Variants in ZFAT observed in about 807,000 individuals in gnomAD.
ZFAT encodes zinc finger and AT-hook domain containing, also known as zinc finger protein ZFAT.
ZFAT carries 64 observed loss-of-function variants against 117.7 expected under a neutral mutation model. The observed-to-expected ratio is 0.54, with a 90% CI of 0.44 to 0.67. ZFAT has a LOEUF of 0.67. ZFAT is among the 30% of genes least tolerant of loss of function. ZFAT has a pLI of 0.00. For missense variants in ZFAT, 1,433 were observed against 1,584.5 expected (o/e 0.90, Z 1.62); for synonymous variants, 679 against 615.0 (o/e 1.10, Z -1.54).
chr8:134,705,590 T>C (rs1403544012), intron 1 of ZFAT, among the ~76,000 whole-genome samples: 1 of 151,336 alleles, frequency 6.6e-6, no homozygotes, highest in East Asian at 2.0e-4. Context: ...AGTTCAGTGG[T>C]GCAATTTCAG....
intron 5 of ZFAT, 125 bp from the exon 6 acceptor site, chr8:134,603,058 G>C: frequency 7.6e-7 from 1 of 1,310,388 alleles, no homozygotes; most frequent in South Asian, 1.4e-5. Flanking sequence ...ACGCTGGATG[G>C]GTGCAGTCAC....
At chr8:134,646,040 T>TA (rs35985182) in intron 2 of ZFAT, among the ~76,000 whole-genome samples, 17,460 of 147,460 alleles carry the variant, frequency 0.12, 1,118 homozygotes, top group Non-Finnish European at 0.16. Flanking sequence ...CGTCTCTACT[T>TA]AAAAAAAAAA....
At chr8:134,613,628 G>C (rs1293778386) in intron 3 of ZFAT, among the ~76,000 whole-genome samples, 4 of 152,126 alleles carry the variant, frequency 2.6e-5, no homozygotes, top group Non-Finnish European at 5.9e-5. Flanking sequence ...GTCCCTCCTG[G>C]AGTGTGATGC....
chr8:134,604,434 G>A lies in ZFAT; in HGVS notation c.786-1501C>T, dbSNP rs115103087. ...GTGGGGTTTCCATTGCTGTTGGAAT[G>A]GCCAAGCCTTGTTTCTGAAACCAGC... On this transcript the variant is annotated intron_variant, in intron 5 of 15. Transcript: ENST00000377838. 6.0e-3 allele frequency among the ~76,000 whole-genome samples: 919 copies of A among 152,302 alleles called. 5 individuals carry two copies. The highest frequency in any genetic ancestry group is 0.02 in the African/African-American group (848 of 41,546).
intron 1 of ZFAT, among the ~76,000 whole-genome samples, chr8:134,698,621 G>A (rs1833936670): frequency 6.6e-6 from 1 of 152,198 alleles, no homozygotes; most frequent in Non-Finnish European, 1.5e-5. Context: ...AGAAGCGTCA[G>A]ACGGTCAGGT....
intron 1 of ZFAT, among the ~76,000 whole-genome samples, chr8:134,697,099 T>G (rs1030086988): frequency 2.6e-5 from 4 of 151,144 alleles, no homozygotes; most frequent in African/African-American, 9.8e-5. Flanking sequence ...TTTGGTTTGT[T>G]TTTGGTTTGG....
chr8:134,762,679 T>C, the ZFAT span, among the ~76,000 whole-genome samples: 1 of 152,366 alleles, frequency 6.6e-6, no homozygotes, highest in African/African-American at 2.4e-5. Flanking sequence ...TGTTCAAATT[T>C]ATATCTTCAG....
intron 11 of ZFAT, among the ~76,000 whole-genome samples, chr8:134,546,865 T>C (rs1472966065): frequency 2.6e-5 from 4 of 152,212 alleles, no homozygotes; most frequent in Admixed American, 6.5e-5. Flanking sequence ...ATTATTATCA[T>C]TGACAGTTTA....
intron 3 of ZFAT, among the ~76,000 whole-genome samples, chr8:134,633,488 T>C (rs1481682136): frequency 6.6e-6 from 1 of 152,200 alleles, no homozygotes; most frequent in African/African-American, 2.4e-5. Flanking sequence ...TTTAAAACAA[T>C]TCTAAATGCC....
At chr8:134,652,927 C>T (rs1245463590) in intron 2 of ZFAT, among the ~76,000 whole-genome samples, 1 of 151,966 alleles carries the variant, frequency 6.6e-6, no homozygotes, top group African/African-American at 2.4e-5. Context: ...ATATAGCCAA[C>T]GTGAATGCAC....
At chr8:134,529,971 G>C (rs930098298) in intron 12 of ZFAT, among the ~76,000 whole-genome samples, 1 of 152,140 alleles carries the variant, frequency 6.6e-6, no homozygotes, top group Non-Finnish European at 1.5e-5. Context: ...GGAACCCTCA[G>C]CTCCTTTTAG....
intron 10 of ZFAT, among the ~76,000 whole-genome samples, chr8:134,582,199 C>T (rs772214267): frequency 6.6e-5 from 10 of 152,164 alleles, no homozygotes; most frequent in Admixed American, 2.0e-4. Context: ...CTACTCACAC[C>T]GACCCCATCC....
intron 15 of ZFAT, among the ~76,000 whole-genome samples, chr8:134,490,210 T>C (rs977587447): frequency 3.9e-5 from 6 of 151,932 alleles, no homozygotes; most frequent in African/African-American, 1.2e-4. Flanking sequence ...AATCTGAGAG[T>C]AGAACATGTT....
At chr8:134,586,789 G>C (rs921865434) in intron 9 of ZFAT, among the ~76,000 whole-genome samples, 1 of 152,226 alleles carries the variant, frequency 6.6e-6, no homozygotes, top group Non-Finnish European at 1.5e-5. Flanking sequence ...AAACAAGTCA[G>C]TTCAGAAGAG....
intron 14 of ZFAT, 111 bp from the exon 15 acceptor site, chr8:134,509,860 A>C: frequency 7.3e-7 from 1 of 1,365,254 alleles, no homozygotes; most frequent in Non-Finnish European, 9.9e-7. Context: ...CAGAGGATGC[A>C]TGGGCTCTCC....
chr8:134,485,839 G>A (rs1036455533), intron 15 of ZFAT, among the ~76,000 whole-genome samples: 1 of 152,172 alleles, frequency 6.6e-6, no homozygotes, highest in Non-Finnish European at 1.5e-5. Context: ...TTACTAGCTG[G>A]GTATTTAAAG....
chr8:134,532,883 A>G lies in ZFAT; in HGVS notation c.3066T>C (p.Tyr1022=). 3.1e-6 allele frequency: 5 copies of G among 1,610,026 alleles called. No homozygotes were observed. The highest frequency in any genetic ancestry group is 4.2e-6 in the Non-Finnish European group (5 of 1,178,268). ...CCAGCTCCCCGGTGCCCACGTTGGCATACTCCTCATTAGGGTGCTTCCTGT... is the reference window on the plus strand; with the variant it reads ...CCAGCTCCCCGGTGCCCACGTTGGCGTACTCCTCATTAGGGTGCTTCCTGT... The part of the protein sequence containing the change: ...HYNRKHPNEE[Y]ANVGTGELAA... The change falls in exon 12 of 16, where the codon TAT becomes TAC. Residue 1022 remains tyrosine (Y), a synonymous_variant. Coordinates refer to ENST00000377838, the MANE Select transcript of ZFAT (RefSeq NM_020863.4).
At chr8:134,635,908 C>T (rs921723479) in intron 3 of ZFAT, among the ~76,000 whole-genome samples, 1 of 152,164 alleles carries the variant, frequency 6.6e-6, no homozygotes, top group Admixed American at 6.5e-5. Flanking sequence ...AGCTCTCACA[C>T]GGCAATTACT....
the ZFAT span, chr8:134,795,840 T>C: frequency 6.6e-6 from 1 of 152,268 alleles, no homozygotes; most frequent in Non-Finnish European, 1.5e-5. Flanking sequence ...AGCCTCATCT[T>C]GTGCTTTGGG....
Sources: allele counts gnomAD v4.1 joint callset (sites outside exome capture counted in the v4.1 genomes callset), GRCh38; gene constraint gnomAD v4.1.1; transcripts MANE v1.5; gene names NCBI Gene and HGNC (gene_info 2026-07-23, HGNC 2026-07-21).